Variants in KCNH1 observed in about 807,000 individuals in gnomAD.
KCNH1 encodes potassium voltage-gated channel subfamily H member 1.
Under a neutral mutation model 69.2 loss-of-function variants are expected in KCNH1, and 27 were observed. That is an observed-to-expected ratio of 0.39 (90% CI 0.29 to 0.54). The LOEUF (loss-of-function observed/expected upper bound fraction) is 0.54, where lower values mean the gene tolerates loss of function less well. Among genes scored for constraint, KCNH1 ranks in the 20% least tolerant of loss-of-function variants. The probability of loss-of-function intolerance (pLI) is 0.68; values close to 1 mark genes in which losing one functional copy is unlikely to be tolerated. For missense variants in KCNH1, 798 were observed against 1,261.6 expected, an observed-to-expected ratio of 0.63 and a Z score of 5.57; for synonymous variants, 456 against 487.7, an observed-to-expected ratio of 0.93 and a Z score of 0.86.
chr1:210,683,065 T>A lies in KCNH1; in HGVS notation c.*216A>T. On this transcript the variant is annotated 3_prime_UTR_variant, in exon 11 of 11. Transcript: ENST00000271751. This position sits in a 1 kb window ranked among gnomAD's most constrained non-coding sequence, Gnocchi z 5.7. ...TTCTTCCAAAATTGTGCAAAGACGG[T>A]TCAGATGCAGCTGCCACCTTGCAGG... 3.3e-6 allele frequency: 2 copies of A among 612,016 alleles called. No homozygotes were observed. Among genetic ancestry groups the A allele is most frequent in the Admixed American group, 2.6e-5 (1 of 38,188 alleles). 37.9% of individuals were successfully genotyped at this position (612,016 alleles called of 1,614,324 possible). A position where few individuals can be genotyped will look rare whatever the true frequency, so the allele number is the denominator to read the frequency against.
chr1:210,748,378 C>T lies in KCNH1; in HGVS notation c.2112+26970G>A, dbSNP rs1016248673. On this transcript the variant is annotated intron_variant, in intron 10 of 10. Transcript: ENST00000271751. ...GAAGGAGAAAGAAACCCTTAGTTAA[C>T]GAAGCATTTACTGAGCAACTATTAT... 9.9e-5 allele frequency among the ~76,000 whole-genome samples: 15 copies of T among 152,154 alleles called. No homozygotes were observed. In the East Asian group the frequency reaches 1.9e-3, roughly 20 times the overall value.
chr1:210,738,015 T>C (rs377331933), intron 10 of KCNH1, among the ~76,000 whole-genome samples: 2 of 152,232 alleles, frequency 1.3e-5, no homozygotes, highest in Non-Finnish European at 2.9e-5. Context: ...AGTCCATGCA[T>C]TGGCCTGTAA....
intron 6 of KCNH1, among the ~76,000 whole-genome samples, chr1:211,010,203 T>C (rs1223782261): frequency 6.6e-6 from 1 of 152,030 alleles, no homozygotes; most frequent in African/African-American, 2.4e-5. Context: ...GTATTAGGAC[T>C]GAGGGGCAGA....
intron 6 of KCNH1, among the ~76,000 whole-genome samples, chr1:210,984,819 C>T (rs1414672810): frequency 6.6e-6 from 1 of 152,102 alleles, no homozygotes; most frequent in Non-Finnish European, 1.5e-5. Flanking sequence ...AGGGAGGATT[C>T]CCTCTTTTTC....
chr1:210,935,844 C>T (rs1223608420), intron 6 of KCNH1, among the ~76,000 whole-genome samples: 2 of 152,194 alleles, frequency 1.3e-5, no homozygotes. Flanking sequence ...TCAGTAAACT[C>T]TGTTGTAGTT....
At chr1:211,048,859 T>C (rs549816395) in intron 5 of KCNH1, among the ~76,000 whole-genome samples, 2 of 152,254 alleles carry the variant, frequency 1.3e-5, no homozygotes, top group African/African-American at 2.4e-5. Flanking sequence ...ACTAATAGTT[T>C]TGTGCAAATA....
intron 8 of KCNH1, among the ~76,000 whole-genome samples, chr1:210,802,225 C>A (rs1684443755): frequency 6.6e-6 from 1 of 152,190 alleles, no homozygotes; most frequent in Admixed American, 6.5e-5. Flanking sequence ...TCAGCAAAAC[C>A]AAAGTAATGT....
intron 6 of KCNH1, among the ~76,000 whole-genome samples, chr1:210,964,509 T>C (rs1279202678): frequency 6.6e-6 from 1 of 151,980 alleles, no homozygotes; most frequent in Non-Finnish European, 1.5e-5. Context: ...TAGAAGAAAT[T>C]GATAAATTCC....
chr1:210,905,583 A>C (rs1036463218), intron 7 of KCNH1, among the ~76,000 whole-genome samples: 3 of 152,108 alleles, frequency 2.0e-5, no homozygotes, highest in Admixed American at 2.0e-4. Flanking sequence ...ACTATTGCCA[A>C]CAATAAATTG....
At chr1:210,764,853 A>G (rs1683592380) in intron 10 of KCNH1, among the ~76,000 whole-genome samples, 1 of 152,232 alleles carries the variant, frequency 6.6e-6, no homozygotes, top group Non-Finnish European at 1.5e-5. Context: ...AAATCCCATT[A>G]CTGGTTATAA....
intron 5 of KCNH1, among the ~76,000 whole-genome samples, chr1:211,072,520 CAT>C (rs1488038892): frequency 6.6e-6 from 1 of 152,016 alleles, no homozygotes; most frequent in African/African-American, 2.4e-5. Context: ...TGAAAAATAA[CAT>C]GTATTCAATT....
At chr1:210,821,032 C>A (rs1313386253) in intron 7 of KCNH1, among the ~76,000 whole-genome samples, 2 of 152,326 alleles carry the variant, frequency 1.3e-5, no homozygotes, top group Non-Finnish European at 1.5e-5. Flanking sequence ...GAAACCAATG[C>A]AGAGCACTTA....
intron 6 of KCNH1, among the ~76,000 whole-genome samples, chr1:210,932,052 C>G (rs1045443660): frequency 1.3e-5 from 2 of 152,026 alleles, no homozygotes; most frequent in African/African-American, 4.8e-5. Flanking sequence ...AGAAAACCCA[C>G]GTAATGAAAT....
At position 210,859,817 on chromosome 1, in the gene KCNH1, C is replaced by A. The variant is rs940525008; in HGVS notation, c.1463-55651G>T. ...TGAAGCCCCAAGAAACAGTCAACAT[C>A]ATTAAGCCACTAATAAAATGATTTG... On this transcript the variant is annotated intron_variant, in intron 7 of 10. Coordinates refer to ENST00000271751, the MANE Select transcript of KCNH1 (RefSeq NM_172362.3). The A allele has an allele frequency of 3.8e-6, 4 of 1,054,008 alleles. No homozygotes were observed. In the African/African-American group the frequency reaches 6.2e-5, roughly 16 times the overall value. The allele number at this position is 1,054,008 out of a possible 1,614,324, so 65.3% of individuals were successfully genotyped here.
chr1:210,846,973 G>GA (rs1685565538), intron 7 of KCNH1, among the ~76,000 whole-genome samples: 2 of 152,148 alleles, frequency 1.3e-5, no homozygotes, highest in Non-Finnish European at 2.9e-5. Flanking sequence ...AAAAACACGT[G>GA]AAAAAATGCT....
chr1:211,054,246 C>T (rs950911130), intron 5 of KCNH1, among the ~76,000 whole-genome samples: 4 of 151,754 alleles, frequency 2.6e-5, no homozygotes, highest in African/African-American at 4.8e-5. Flanking sequence ...GGCGTCCCTG[C>T]ACTCTAGCCT....
At chr1:210,968,738 GTT>G (rs1688458754) in intron 6 of KCNH1, among the ~76,000 whole-genome samples, 1 of 151,768 alleles carries the variant, frequency 6.6e-6, no homozygotes, top group Non-Finnish European at 1.5e-5. Context: ...TTGTAAATTT[GTT>G]TGTGTTCATT....
chr1:210,866,695 T>C (rs910177600), intron 7 of KCNH1, among the ~76,000 whole-genome samples: 3 of 152,112 alleles, frequency 2.0e-5, no homozygotes, highest in Non-Finnish European at 4.4e-5. Flanking sequence ...AGTTTAGCAG[T>C]TCCTCAAGAT....
intron 6 of KCNH1, among the ~76,000 whole-genome samples, chr1:210,952,124 C>T (rs1034624075): frequency 1.3e-5 from 2 of 152,112 alleles, no homozygotes; most frequent in Admixed American, 1.3e-4. Flanking sequence ...CTCTTTACCT[C>T]CTCTCTCCCT....
Sources: gnomAD v4.1 joint callset for allele counts (sites outside exome capture counted in the v4.1 genomes callset) on GRCh38, gnomAD v4.1.1 for gene constraint, Gnocchi (gnomAD v3.1) non-coding constraint, MANE v1.5 for transcripts, NCBI Gene and HGNC (gene_info 2026-07-23, HGNC 2026-07-21) for gene names.